Variants in AGBL1 observed in about 807,000 individuals in gnomAD.
AGBL1 encodes the protein cytosolic carboxypeptidase 4.
In AGBL1, 130 loss-of-function variants were observed where a neutral mutation model predicts 118.9. That is an observed-to-expected ratio of 1.09 (90% confidence interval 0.95 to 1.26). The LOEUF is 1.26. AGBL1 is among the 50% of genes most tolerant of loss of function. The pLI is 0.00. For missense variants in AGBL1, 1,584 were observed against 1,298.1 expected, an observed-to-expected ratio of 1.22 and a Z score of -3.38; for synonymous variants, 555 against 478.9, an observed-to-expected ratio of 1.16 and a Z score of -2.08.
intron 24 of AGBL1, among the ~76,000 whole-genome samples, chr15:87,000,546 A>G (rs62034349): frequency 0.25 from 4,534 of 18,414 alleles, 731 homozygotes; most frequent in Middle Eastern, 0.53. Context: ...GTAGATATGC[A>G]GCGTTATTTC....
At chr15:86,228,774 A>C (rs1046333034) in intron 6 of AGBL1, among the ~76,000 whole-genome samples, 3 of 152,244 alleles carry the variant, frequency 2.0e-5, no homozygotes, top group Non-Finnish European at 4.4e-5. Context: ...TGTTGGGAAA[A>C]GAAAAATGAA....
At position 86,079,945 on chromosome 15, in the gene AGBL1, C is replaced by T. The variant is rs1895155000; in HGVS notation, c.-28C>T. On this transcript the variant is annotated 5_prime_UTR_variant, in exon 1 of 23. Coordinates refer to ENST00000614907, the MANE Select transcript of AGBL1 (RefSeq NM_001386094.1). ...TCTCCAGCCTGGATCTGGCCGCAGGCAGCGGTTCCCTAGGACCCGAGAAAA... is the reference window on the plus strand; with the variant it reads ...TCTCCAGCCTGGATCTGGCCGCAGGTAGCGGTTCCCTAGGACCCGAGAAAA... 3 of 1,231,698 alleles carry T rather than the reference C, an allele frequency of 2.4e-6. No homozygotes were observed. Among genetic ancestry groups the T allele is most frequent in the Non-Finnish European group, 3.0e-6 (3 of 987,530 alleles). The allele number at this position is 1,231,698 out of a possible 1,614,324, so 76.3% of individuals were successfully genotyped here.
intron 18 of AGBL1, among the ~76,000 whole-genome samples, chr15:86,434,397 G>C (rs2081975354): frequency 6.6e-6 from 1 of 152,248 alleles, no homozygotes; most frequent in Non-Finnish European, 1.5e-5. Flanking sequence ...GGCGAGAAGA[G>C]ATGCTGAGAG....
intron 21 of AGBL1, among the ~76,000 whole-genome samples, chr15:86,667,706 T>A (rs2085671806): frequency 6.6e-6 from 1 of 152,186 alleles, no homozygotes; most frequent in Non-Finnish European, 1.5e-5. Context: ...TTCCTTTTCC[T>A]TCTTCTTGGC....
intron 21 of AGBL1, among the ~76,000 whole-genome samples, chr15:86,661,002 G>T (rs1285938742): frequency 1.3e-5 from 2 of 152,178 alleles, no homozygotes; most frequent in Non-Finnish European, 2.9e-5. Flanking sequence ...GACTGAGAAA[G>T]TGTAAAACAG....
At position 86,910,673 on chromosome 15, in the gene AGBL1, T is replaced by C. The variant is rs752581829; in HGVS notation, c.*3379T>C. 2 of 152,212 alleles carry C rather than the reference T, an allele frequency of 1.3e-5. No individual in the cohort carries two copies. The highest frequency in any genetic ancestry group is 2.9e-5 in the Non-Finnish European group (2 of 68,064). 9.4% of individuals were successfully genotyped at this position (152,212 alleles called of 1,614,324 possible). ...ACATGTTAAATGTTGGTGGCCTACATGATAGCCCGTTCGAAAGGTTTCCTA... is the reference window on the plus strand; with the variant it reads ...ACATGTTAAATGTTGGTGGCCTACACGATAGCCCGTTCGAAAGGTTTCCTA... On this transcript the variant is annotated 3_prime_UTR_variant, in exon 23 of 23. Coordinates refer to ENST00000614907, the MANE Select transcript of AGBL1 (RefSeq NM_001386094.1).
chr15:86,737,539 A>G (rs2077619641), intron 22 of AGBL1, among the ~76,000 whole-genome samples: 1 of 152,202 alleles, frequency 6.6e-6, no homozygotes, highest in African/African-American at 2.4e-5. Context: ...AGTATGAGCC[A>G]GAGTCAGGAG....
rs760826210 is a variant in AGBL1, at chr15:86,154,555, T to G, written c.388T>G (p.Ser130Ala). 16 of 1,607,544 alleles carry G rather than the reference T, an allele frequency of 1.0e-5. No homozygotes were observed. In the East Asian group the frequency reaches 3.6e-4, roughly 36 times the overall value. ...TCTCTGGGCTCTGCGTGTGTTTGCC[T>G]CCAGTGGTAAGTGACTCTATTGTGG... is the stretch of plus-strand genomic sequence containing the variant. ...HCLWALRVFA[S>A]SVSMGAMLGI... Residue 130 changes from serine to alanine, a missense_variant, in exon 4 of 23, where the codon TCC becomes GCC. By Grantham distance (99) the Ser-to-Ala change is moderately conservative. Coordinates refer to ENST00000614907, the MANE Select transcript of AGBL1 (RefSeq NM_001386094.1).
intron 22 of AGBL1, among the ~76,000 whole-genome samples, chr15:86,845,853 A>G (rs922811229): frequency 2.6e-5 from 4 of 152,008 alleles, no homozygotes; most frequent in African/African-American, 9.7e-5. Context: ...CATTCTCTCA[A>G]TCCTCTCTCA....
chr15:86,357,276 T>A (rs2080736316), intron 17 of AGBL1, among the ~76,000 whole-genome samples: 1 of 152,176 alleles, frequency 6.6e-6, no homozygotes, highest in Non-Finnish European at 1.5e-5. Flanking sequence ...GTTAGAAGAA[T>A]CTAAAATGGA....
chr15:86,141,888 G>A (rs947515480), intron 1 of AGBL1, 116 bp from the exon 2 acceptor site: 17 of 1,043,556 alleles, frequency 1.6e-5, no homozygotes, highest in Non-Finnish European at 1.9e-5. Flanking sequence ...TCCTTTCGCT[G>A]TAGTTAATCT....
chr15:86,856,836 G>T (rs1009776197), intron 22 of AGBL1, among the ~76,000 whole-genome samples: 1 of 152,186 alleles, frequency 6.6e-6, no homozygotes, highest in African/African-American at 2.4e-5. Flanking sequence ...CTATGGACCA[G>T]GCATCACTGT....
intron 21 of AGBL1, among the ~76,000 whole-genome samples, chr15:86,580,263 A>C (rs1278070205): frequency 6.6e-6 from 1 of 152,186 alleles, no homozygotes; most frequent in Non-Finnish European, 1.5e-5. Context: ...AATTCTGACT[A>C]TAGTTTTCCT....
chr15:86,495,430 T>TA (rs2082837698), intron 18 of AGBL1, among the ~76,000 whole-genome samples: 1 of 151,056 alleles, frequency 6.6e-6, no homozygotes, highest in South Asian at 2.1e-4. Context: ...GAAATTTCAT[T>TA]AAAAAAACCT....
At chr15:86,527,908 C>T (rs1022271202) in intron 19 of AGBL1, among the ~76,000 whole-genome samples, 25 of 152,156 alleles carry the variant, frequency 1.6e-4, no homozygotes, top group African/African-American at 5.8e-4. Context: ...ATCCATATAT[C>T]TGTCCATCCA....
intron 18 of AGBL1, among the ~76,000 whole-genome samples, chr15:86,505,476 C>G (rs1018014289): frequency 6.6e-6 from 1 of 151,864 alleles, no homozygotes; most frequent in Non-Finnish European, 1.5e-5. Flanking sequence ...TTTCTTCTCT[C>G]TATTCTTGAA....
chr15:86,904,746 TGTG>T (rs2080259148), intron 22 of AGBL1, among the ~76,000 whole-genome samples: 1 of 150,680 alleles, frequency 6.6e-6, no homozygotes, highest in African/African-American at 2.4e-5. Context: ...ACATGATAAT[TGTG>T]GTATAATCCA....
At chr15:86,883,699 G>C (rs535222894) in intron 22 of AGBL1, among the ~76,000 whole-genome samples, 9 of 152,062 alleles carry the variant, frequency 5.9e-5, no homozygotes, top group Admixed American at 2.6e-4. Context: ...TGGTAGGTAG[G>C]TGGAAGAAAG....
intron 1 of AGBL1, among the ~76,000 whole-genome samples, chr15:86,085,534 G>T (rs1496872): frequency 0.78 from 119,201 of 152,104 alleles, 47,507 homozygotes; most frequent in African/African-American, 0.92. Flanking sequence ...TAGGAACATT[G>T]GACATGACTG....
Sources: gnomAD v4.1 joint callset for allele counts (sites outside exome capture counted in the v4.1 genomes callset) on GRCh38, gnomAD v4.1.1 for gene constraint, MANE v1.5 for transcripts, NCBI Gene and HGNC (gene_info 2026-07-23, HGNC 2026-07-21) for gene names.